The following AUH variants were observed in gnomAD, a reference collection of about 807,000 sequenced individuals.
The protein encoded by AUH is methylglutaconyl-CoA hydratase, mitochondrial.
A neutral mutation model predicts 42.3 loss-of-function variants in AUH; 29 were observed. The observed-to-expected ratio is 0.69, with a 90% CI of 0.51 to 0.93. AUH has a LOEUF of 0.93. Among genes scored for constraint, AUH ranks in the 40% least tolerant of loss-of-function variants. The probability of loss-of-function intolerance (pLI) is 0.00; values close to 1 mark genes in which losing one functional copy is unlikely to be tolerated. For missense variants in AUH, 452 were observed against 438.1 expected (o/e 1.03, Z -0.28); for synonymous variants, 174 against 166.4 (o/e 1.05, Z -0.35).
intron 8 of AUH, among the ~76,000 whole-genome samples, chr9:91,216,626 A>G (rs1456444003): frequency 6.6e-6 from 1 of 152,210 alleles, no homozygotes; most frequent in Non-Finnish European, 1.5e-5. Context: ...TTTTACTGCT[A>G]TACAGCCCAG....
intron 7 of AUH, among the ~76,000 whole-genome samples, chr9:91,217,996 CCT>C (rs1826924900): frequency 1.3e-5 from 2 of 152,194 alleles, no homozygotes; most frequent in South Asian, 4.1e-4. Context: ...AACCAGAATC[CCT>C]CAGATGGAAT....
intron 6 of AUH, among the ~76,000 whole-genome samples, chr9:91,274,371 T>A (rs1322838526): frequency 6.6e-6 from 1 of 152,230 alleles, no homozygotes; most frequent in Non-Finnish European, 1.5e-5. Context: ...GACACATCAA[T>A]GACCTCATCA....
chr9:91,266,238 T>C (rs2131474957), intron 6 of AUH, among the ~76,000 whole-genome samples: 1 of 152,166 alleles, frequency 6.6e-6, no homozygotes, highest in South Asian at 2.1e-4. Flanking sequence ...GGCAGACGCC[T>C]GTAATCCCAG....
At chr9:91,302,791 A>G (rs1053282249) in intron 4 of AUH, among the ~76,000 whole-genome samples, 2 of 152,230 alleles carry the variant, frequency 1.3e-5, no homozygotes, top group African/African-American at 4.8e-5. Context: ...AAAAAATGTT[A>G]ATAATCATAG....
At chr9:91,273,577 T>C (rs1009479727) in intron 6 of AUH, among the ~76,000 whole-genome samples, 15 of 152,242 alleles carry the variant, frequency 9.9e-5, no homozygotes, top group African/African-American at 3.6e-4. Flanking sequence ...TCAACTGGCA[T>C]TGAAAATGTT....
chr9:91,315,610 A>G (rs1173105271), intron 4 of AUH, among the ~76,000 whole-genome samples: 1 of 151,904 alleles, frequency 6.6e-6, no homozygotes, highest in Non-Finnish European at 1.5e-5. Context: ...GTAAGAAAGA[A>G]AAAAAAATAC....
intron 4 of AUH, among the ~76,000 whole-genome samples, chr9:91,300,023 A>AT (rs1484412146): frequency 1.3e-5 from 2 of 152,164 alleles, no homozygotes; most frequent in African/African-American, 4.8e-5. Flanking sequence ...TACCAATGAC[A>AT]TTATAAGATT....
intron 6 of AUH, among the ~76,000 whole-genome samples, chr9:91,289,428 A>G (rs989308420): frequency 6.6e-6 from 1 of 152,212 alleles, no homozygotes; most frequent in Non-Finnish European, 1.5e-5. Context: ...CAGTGGAGCA[A>G]GGCTCACTGG....
rs1471856715 is a variant in AUH at position 91,361,728 on chromosome 9, C to G, written c.162G>C (p.Trp54Cys). The G allele has an allele frequency of 6.5e-7, 1 of 1,549,558 alleles. No individual in the cohort carries two copies. Among genetic ancestry groups the G allele is most frequent in the South Asian group, 1.2e-5 (1 of 83,748 alleles). ...GGGCGGGACCCCCGGCCGCAGGTAC[C>G]CAGCCCTGGGCCCAGATCGCCGGGC... Reference protein sequence around the residue: ...RAGPAIWAQGWVPAAGGPAPK... With the variant: ...RAGPAIWAQGCVPAAGGPAPK... Residue 54 changes from tryptophan to cysteine, a missense_variant, in exon 1 of 10, where the codon TGG becomes TGC. Transcript: ENST00000375731.
At chr9:91,347,535 G>GC (rs147556375) in intron 3 of AUH, among the ~76,000 whole-genome samples, 2,136 of 152,048 alleles carry the variant, frequency 0.014, 53 homozygotes, top group African/African-American at 0.047. Flanking sequence ...CTGACAAGCT[G>GC]CCCCCCCATC....
chr9:91,298,513 G>T (rs957825350), intron 4 of AUH, among the ~76,000 whole-genome samples: 5 of 152,198 alleles, frequency 3.3e-5, no homozygotes, highest in Non-Finnish European at 5.9e-5. Context: ...CTCATTCAAA[G>T]AAAGACATCT....
At chr9:91,263,069 GT>G (rs1332382533) in intron 6 of AUH, among the ~76,000 whole-genome samples, 1 of 152,154 alleles carries the variant, frequency 6.6e-6, no homozygotes, top group East Asian at 1.9e-4. Context: ...TCTACTATGG[GT>G]TATCTTTAGA....
chr9:91,218,099 T>C (rs1826931376), intron 7 of AUH, among the ~76,000 whole-genome samples: 1 of 152,204 alleles, frequency 6.6e-6, no homozygotes, highest in African/African-American at 2.4e-5. Context: ...GAATGCTCTT[T>C]TGAATTAAAA....
intron 3 of AUH, among the ~76,000 whole-genome samples, chr9:91,349,147 G>T (rs575848512): frequency 1.3e-5 from 2 of 152,150 alleles, no homozygotes; most frequent in Non-Finnish European, 2.9e-5. Context: ...TCCAGATCAT[G>T]ACATTTTTAT....
intron 6 of AUH, among the ~76,000 whole-genome samples, chr9:91,292,190 C>G (rs1826956014): frequency 6.6e-6 from 1 of 151,630 alleles, no homozygotes; most frequent in African/African-American, 2.4e-5. Context: ...CTCTTCAGCT[C>G]TAAGTTCAGG....
chr9:91,228,727 G>T (rs1432345433), intron 6 of AUH, among the ~76,000 whole-genome samples: 2 of 151,602 alleles, frequency 1.3e-5, no homozygotes, highest in South Asian at 2.1e-4. Context: ...TGCTTTGAAT[G>T]TGTCCCAGAG....
chr9:91,231,387 G>T (rs1020304651), intron 6 of AUH, among the ~76,000 whole-genome samples: 5 of 152,170 alleles, frequency 3.3e-5, no homozygotes, highest in African/African-American at 1.2e-4. Context: ...CTTCCCAAGT[G>T]AGGCAATGCC....
chr9:91,353,820 CAAAAAAAAAAAAAAAAA>C (rs56842895), intron 3 of AUH, among the ~76,000 whole-genome samples: 16 of 27,646 alleles, frequency 5.8e-4, no homozygotes, highest in African/African-American at 1.9e-3. Context: ...GACTCCGTCT[CAAAAAAAAAAAAAAAAA>C]AAAAAAAAAG....
chr9:91,252,029 C>T (rs1464506831), intron 6 of AUH, among the ~76,000 whole-genome samples: 2 of 152,038 alleles, frequency 1.3e-5, no homozygotes, highest in Non-Finnish European at 2.9e-5. Context: ...TGCAGTGGCA[C>T]GATCTCGGCT....
Sources: gnomAD v4.1 joint callset for allele counts (sites outside exome capture counted in the v4.1 genomes callset) on GRCh38, gnomAD v4.1.1 for gene constraint, MANE v1.5 for transcripts, NCBI Gene and HGNC (gene_info 2026-07-23, HGNC 2026-07-21) for gene names.